Variants in EZH2 observed in about 807,000 individuals in gnomAD.
EZH2 encodes the protein histone-lysine N-methyltransferase EZH2.
Under a neutral mutation model 98.4 loss-of-function variants are expected in EZH2, and 18 were observed. The observed-to-expected ratio is 0.18, with a 90% CI of 0.13 to 0.27. The LOEUF (loss-of-function observed/expected upper bound fraction) is 0.27. Among genes scored for constraint, EZH2 ranks in the 10% least tolerant of loss-of-function variants. The pLI is 1.00. For synonymous variants in EZH2, 338 were observed against 312.3 expected, an observed-to-expected ratio of 1.08 and a Z score of -0.87; for missense variants, 470 against 935.1, an observed-to-expected ratio of 0.50 and a Z score of 6.49.
At chr7:148,861,738 A>T (rs1305583796) in intron 1 of EZH2, among the ~76,000 whole-genome samples, 2 of 151,196 alleles carry the variant, frequency 1.3e-5, no homozygotes, top group African/African-American at 4.9e-5. Flanking sequence ...TGCGGGGCTG[A>T]GGCAGGAGGA....
intron 15 of EZH2, among the ~76,000 whole-genome samples, chr7:148,812,314 A>G (rs1803309141): frequency 6.6e-6 from 1 of 152,232 alleles, no homozygotes; most frequent in Admixed American, 6.5e-5. Flanking sequence ...TCAGTCCAGT[A>G]GTCTATTTTC....
intron 5 of EZH2, among the ~76,000 whole-genome samples, chr7:148,829,424 AC>A (rs1472945348): frequency 1.3e-5 from 2 of 152,104 alleles, no homozygotes; most frequent in Non-Finnish European, 2.9e-5. Context: ...TAATTTTACT[AC>A]TAAAGAATCT....
intron 4 of EZH2, among the ~76,000 whole-genome samples, chr7:148,831,706 T>C (rs1354745851): frequency 1.3e-5 from 2 of 152,226 alleles, no homozygotes; most frequent in Non-Finnish European, 2.9e-5. Flanking sequence ...GTTGAGACTC[T>C]ACTGTACAAA....
In EZH2 at chr7:148,832,733, G is replaced by A. The variant is rs775668058; in HGVS notation, c.264C>T (p.Asp88=). 5 of 1,607,020 alleles carry A rather than the reference G, an allele frequency of 3.1e-6. No individual in the cohort carries two copies. The highest frequency in any genetic ancestry group is 4.3e-6 in the Non-Finnish European group (5 of 1,175,702). Residue 88 remains aspartate (D), a synonymous_variant, in exon 4 of 20, where the codon GAC becomes GAT. Transcript: ENST00000320356. ...RGTRECSVTS[D]LDFPTQVIPL... is the part of the protein sequence containing the mutation. ...GGATGACTTGTGTTGGAAAATCCAA[G>A]TCACTGGTCACCGAACACTAAAACA... is the stretch of plus-strand genomic sequence containing the variant.
intron 3 of EZH2, among the ~76,000 whole-genome samples, chr7:148,841,067 T>G (rs1387586804): frequency 2.0e-5 from 3 of 152,172 alleles, no homozygotes; most frequent in Non-Finnish European, 4.4e-5. Context: ...TAAATTTGAC[T>G]TTTTAAAATT....
At chr7:148,864,999 T>G (rs895641778) in intron 1 of EZH2, among the ~76,000 whole-genome samples, 1 of 151,910 alleles carries the variant, frequency 6.6e-6, no homozygotes, top group African/African-American at 2.4e-5. Context: ...TGGTGGCAGG[T>G]GCCTGTGATC....
intron 1 of EZH2, among the ~76,000 whole-genome samples, chr7:148,864,750 C>T (rs557413392): frequency 1.3e-5 from 2 of 150,814 alleles, no homozygotes; most frequent in African/African-American, 4.9e-5. Context: ...TATACTAAAT[C>T]GATTTTATAA....
chr7:148,858,364 C>T (rs371502796), intron 1 of EZH2, among the ~76,000 whole-genome samples: 1 of 151,994 alleles, frequency 6.6e-6, no homozygotes, highest in Non-Finnish European at 1.5e-5. Flanking sequence ...TGAGGCAGGG[C>T]TCACTCTGTT....
intron 3 of EZH2, among the ~76,000 whole-genome samples, chr7:148,839,076 G>A (rs796418646): frequency 8.3e-5 from 12 of 145,062 alleles, no homozygotes; most frequent in African/African-American, 3.4e-4. Flanking sequence ...AAGGAAGGAA[G>A]GAAGGAAGGA....
chr7:148,829,671 A>T, intron 5 of EZH2, 57 bp downstream of exon 5: 1 of 1,580,672 alleles, frequency 6.3e-7, no homozygotes, highest in Non-Finnish European at 8.6e-7. Flanking sequence ...CTTCATAAAC[A>T]AAAGTGTCTC....
At chr7:148,810,786 C>T (rs1247387485) in intron 16 of EZH2, among the ~76,000 whole-genome samples, 1 of 151,698 alleles carries the variant, frequency 6.6e-6, no homozygotes, top group Non-Finnish European at 1.5e-5. Context: ...ATCCCAGCTA[C>T]TCGGGACACT....
intron 1 of EZH2, among the ~76,000 whole-genome samples, chr7:148,878,906 A>T (rs997920118): frequency 3.4e-5 from 5 of 148,410 alleles, no homozygotes; most frequent in African/African-American, 1.0e-4. Context: ...CCAAAAAAAA[A>T]TTTTTAATTT....
chr7:148,829,884 C>T (rs2129477082), intron 4 of EZH2, 36 bp from the exon 5 acceptor site: 3 of 1,460,144 alleles, frequency 2.1e-6, no homozygotes, highest in Non-Finnish European at 2.8e-6. Flanking sequence ...AGCAGGTTTA[C>T]TCTAAGTATC....
chr7:148,863,002 T>A (rs1037499549), intron 1 of EZH2, among the ~76,000 whole-genome samples: 6 of 151,228 alleles, frequency 4.0e-5, no homozygotes, highest in African/African-American at 1.5e-4. Context: ...AAGAATCACT[T>A]GAACCTGGGA....
intron 5 of EZH2, 28 bp downstream of exon 5, chr7:148,829,700 T>C (rs770454617): frequency 3.1e-6 from 5 of 1,599,282 alleles, no homozygotes; most frequent in Non-Finnish European, 4.3e-6. Flanking sequence ...TTAGCCCCTT[T>C]TTCCAAGAGA....
chr7:148,879,711 T>G (rs964800439), intron 1 of EZH2, among the ~76,000 whole-genome samples: 7 of 151,388 alleles, frequency 4.6e-5, no homozygotes, highest in African/African-American at 7.3e-5. Context: ...TAATAAATAA[T>G]AAATAAATAA....
intron 5 of EZH2, 21 bp downstream of exon 5, chr7:148,829,707 G>A (rs1400107671): frequency 5.6e-6 from 9 of 1,598,994 alleles, no homozygotes; most frequent in Non-Finnish European, 6.8e-6. Context: ...CTTTTTCCAA[G>A]AGAAGAAGCA....
chr7:148,877,079 G>C (rs1359790478), intron 1 of EZH2, among the ~76,000 whole-genome samples: 8 of 151,976 alleles, frequency 5.3e-5, no homozygotes, highest in African/African-American at 1.9e-4. Flanking sequence ...TAATAAAACA[G>C]ATCTTTGTAT....
At chr7:148,845,534 G>A in intron 3 of EZH2, among the ~76,000 whole-genome samples, 1 of 152,160 alleles carries the variant, frequency 6.6e-6, no homozygotes, top group East Asian at 1.9e-4. Context: ...TGTTGCTACT[G>A]GGATATCACT....
Sources: gnomAD v4.1 joint callset for allele counts (sites outside exome capture counted in the v4.1 genomes callset) on GRCh38, gnomAD v4.1.1 for gene constraint, MANE v1.5 for transcripts, NCBI Gene and HGNC (gene_info 2026-07-23, HGNC 2026-07-21) for gene names.